Variants in ELP4 observed in about 807,000 individuals in gnomAD.
The protein encoded by ELP4 is elongator acetyltransferase complex subunit 4.
Under a neutral mutation model 48.9 loss-of-function variants are expected in ELP4, and 51 were observed. The ratio of observed to expected loss-of-function variants is 1.04; its 90% CI spans 0.83 to 1.32. The LOEUF (loss-of-function observed/expected upper bound fraction) is 1.32. Among genes scored for constraint, ELP4 ranks in the 40% most tolerant of loss-of-function variants. The pLI, the probability that ELP4 is intolerant of heterozygous loss-of-function variation, is 0.00. For missense variants in ELP4, 519 were observed against 514.6 expected (o/e 1.01, Z -0.08); for synonymous variants, 210 against 189.2 (o/e 1.11, Z -0.90).
intron 9 of ELP4, among the ~76,000 whole-genome samples, chr11:31,726,414 A>T (rs530359937): frequency 6.6e-6 from 1 of 152,292 alleles, no homozygotes; most frequent in African/African-American, 2.4e-5. Flanking sequence ...ATACAGGGGA[A>T]CACATGAAAA....
At chr11:31,521,138 G>A (rs1033706570) in intron 2 of ELP4, among the ~76,000 whole-genome samples, 4 of 152,026 alleles carry the variant, frequency 2.6e-5, no homozygotes, top group African/African-American at 7.2e-5. Flanking sequence ...TGGCATGTAC[G>A]TAAGAATTTG....
In ELP4 at chr11:31,789,704, G is replaced by A. The variant is rs1272348114; in HGVS notation, c.*6180G>A. On this transcript the variant is annotated 3_prime_UTR_variant, in exon 10 of 10. Transcript: ENST00000640961. The stretch of plus-strand genomic sequence containing the variant: ...AATACACCAAAATGAATAAAAGTTT[G>A]GATACCAAAATGAAGATTTGTTCCA... 5.7e-6 allele frequency: 4 copies of A among 702,614 alleles called. No homozygotes were observed. Among genetic ancestry groups the A allele is most frequent in the Non-Finnish European group, 1.0e-5 (4 of 384,952 alleles). The allele number at this position is 702,614 out of a possible 1,614,324, so 43.5% of individuals were successfully genotyped here.
chr11:31,703,660 T>G (rs925183272), intron 9 of ELP4, among the ~76,000 whole-genome samples: 1 of 152,320 alleles, frequency 6.6e-6, no homozygotes, highest in Admixed American at 6.5e-5. Flanking sequence ...ACACCTTAGT[T>G]GTGATTATCC....
At chr11:31,525,212 G>A (rs775500947) in intron 2 of ELP4, among the ~76,000 whole-genome samples, 2 of 152,048 alleles carry the variant, frequency 1.3e-5, no homozygotes, top group Non-Finnish European at 2.9e-5. Context: ...TTTGCCAATC[G>A]CTGTTTTGTG....
chr11:31,606,890 T>A (rs1957885524), intron 5 of ELP4, among the ~76,000 whole-genome samples: 1 of 152,212 alleles, frequency 6.6e-6, no homozygotes, highest in Non-Finnish European at 1.5e-5. Flanking sequence ...ACCAACTGAA[T>A]GTTTGTGTCC....
intron 5 of ELP4, among the ~76,000 whole-genome samples, chr11:31,607,962 C>G (rs562969924): frequency 5.3e-4 from 80 of 151,910 alleles, no homozygotes; most frequent in Non-Finnish European, 9.3e-4. Flanking sequence ...GTAAGTCAAT[C>G]AAGGCCTTTG....
intron 9 of ELP4, among the ~76,000 whole-genome samples, chr11:31,777,010 T>A (rs1446786520): frequency 1.3e-5 from 2 of 152,130 alleles, no homozygotes; most frequent in Non-Finnish European, 2.9e-5. Flanking sequence ...TATTCATATA[T>A]GACAATAATG....
Position 31,509,805 on chromosome 11 carries a change from C to G in ELP4, c.21C>G (p.Cys7Trp), listed in dbSNP as rs750870368. ...CTAAGATGGCGGCAGTGGCAACCTG[C>G]GGTAGTGTTGCCGCGAGTACTGGGT... The part of the protein sequence containing the change: MAAVAT[C>W]GSVAASTGSA... Residue 7 changes from cysteine (C) to tryptophan (W), a missense_variant, in exon 1 of 10, where the codon TGC (cysteine) becomes TGG (tryptophan). Cys to Trp is a radical substitution (Grantham distance 215, BLOSUM62 -2). Transcript: ENST00000640961. The G allele has an allele frequency of 1.3e-5, 21 of 1,614,000 alleles. No individual in the cohort carries two copies. The highest frequency in any genetic ancestry group is 1.7e-5 in the Non-Finnish European group (20 of 1,180,046).
chr11:31,660,276 T>C (rs953572117), intron 9 of ELP4, among the ~76,000 whole-genome samples: 3 of 152,160 alleles, frequency 2.0e-5, no homozygotes, highest in African/African-American at 7.2e-5. Context: ...CAGCTTGTAC[T>C]GTAGCTATGG....
intron 9 of ELP4, among the ~76,000 whole-genome samples, chr11:31,700,904 G>A (rs1331594817): frequency 6.6e-6 from 1 of 151,992 alleles, no homozygotes. Flanking sequence ...GTCATATATA[G>A]TATAAATGTG....
intron 3 of ELP4, among the ~76,000 whole-genome samples, chr11:31,565,993 T>A (rs1314192655): frequency 2.0e-5 from 3 of 152,192 alleles, no homozygotes. Context: ...TATTGATTCT[T>A]CCTAACCATG....
At chr11:31,519,766 A>C (rs1956181751) in intron 1 of ELP4, among the ~76,000 whole-genome samples, 1 of 151,908 alleles carries the variant, frequency 6.6e-6, no homozygotes, top group African/African-American at 2.4e-5. Flanking sequence ...GGGAGGTTGC[A>C]GTGAGCTGAG....
At chr11:31,744,443 A>G (rs1179789056) in intron 9 of ELP4, among the ~76,000 whole-genome samples, 1 of 152,180 alleles carries the variant, frequency 6.6e-6, no homozygotes, top group Non-Finnish European at 1.5e-5. Flanking sequence ...CAACAAAAAA[A>G]GAATTTTGAC....
intron 3 of ELP4, among the ~76,000 whole-genome samples, chr11:31,559,399 A>G (rs1956979129): frequency 6.6e-6 from 1 of 152,206 alleles, no homozygotes. Context: ...TTCATCTTAC[A>G]GTTTGGCTAC....
At chr11:31,620,761 A>G (rs1298846282) in intron 5 of ELP4, among the ~76,000 whole-genome samples, 1 of 151,924 alleles carries the variant, frequency 6.6e-6, no homozygotes, top group Admixed American at 6.6e-5. Context: ...TCTTAATAGT[A>G]TCCCTGTCAG....
intron 9 of ELP4, chr11:31,714,710 A>T (rs1169879847): frequency 2.5e-6 from 1 of 398,444 alleles, no homozygotes; most frequent in African/African-American, 2.1e-5. Flanking sequence ...TGCCTTTTCC[A>T]GCTTCTAGAG....
At chr11:31,673,504 T>C (rs1945853603) in intron 9 of ELP4, among the ~76,000 whole-genome samples, 1 of 152,120 alleles carries the variant, frequency 6.6e-6, no homozygotes, top group African/African-American at 2.4e-5. Flanking sequence ...GCTAATTTTA[T>C]TTTTTGTAGA....
chr11:31,578,362 GCC>G (rs1957324072), intron 3 of ELP4, among the ~76,000 whole-genome samples: 1 of 152,156 alleles, frequency 6.6e-6, no homozygotes, highest in East Asian at 1.9e-4. Flanking sequence ...TGACTATACT[GCC>G]CAAGGTAATT....
At chr11:31,704,157 T>C (rs952085293) in intron 9 of ELP4, among the ~76,000 whole-genome samples, 4 of 152,154 alleles carry the variant, frequency 2.6e-5, no homozygotes, top group African/African-American at 9.7e-5. Context: ...AATTATCTCT[T>C]ATTATTTCAG....
Sources: allele counts gnomAD v4.1 joint callset (sites outside exome capture counted in the v4.1 genomes callset), GRCh38; gene constraint gnomAD v4.1.1; transcripts MANE v1.5; gene names NCBI Gene and HGNC (gene_info 2026-07-23, HGNC 2026-07-21).